Variants in KATNIP observed in about 807,000 individuals in gnomAD.
KATNIP encodes katanin interacting protein, also known as katanin-interacting protein.
In KATNIP, 126 loss-of-function variants were observed where a neutral mutation model predicts 174.0. The ratio of observed to expected loss-of-function variants is 0.72; its 90% CI spans 0.63 to 0.84. The LOEUF (loss-of-function observed/expected upper bound fraction) is 0.84. Ranked by LOEUF, KATNIP falls within the 40% of genes least tolerant of loss-of-function variation. The pLI is 0.00. For missense variants in KATNIP, 1,958 were observed against 2,109.7 expected (o/e 0.93, Z 1.41); for synonymous variants, 810 against 835.7 (o/e 0.97, Z 0.53).
intron 2 of KATNIP, among the ~76,000 whole-genome samples, chr16:27,580,032 T>C (rs2090637984): frequency 6.6e-6 from 1 of 152,108 alleles, no homozygotes; most frequent in South Asian, 2.1e-4. Flanking sequence ...TCGACAGCCC[T>C]CTCTGTCTCT....
chr16:27,591,672 C>T (rs543688288), intron 2 of KATNIP, among the ~76,000 whole-genome samples: 8 of 152,110 alleles, frequency 5.3e-5, no homozygotes, highest in Non-Finnish European at 1.2e-4. Flanking sequence ...CAGCATGGGG[C>T]CCGGCATGTA....
At chr16:27,629,877 G>A (rs140808074) in intron 4 of KATNIP, among the ~76,000 whole-genome samples, 2,115 of 152,274 alleles carry the variant, frequency 0.014, 21 homozygotes, top group Non-Finnish European at 0.02. Context: ...GCTGGGCATG[G>A]TGGTGCATGC....
intron 6 of KATNIP, among the ~76,000 whole-genome samples, chr16:27,667,982 T>A (rs906490027): frequency 6.6e-6 from 1 of 152,172 alleles, no homozygotes; most frequent in Non-Finnish European, 1.5e-5. Flanking sequence ...CCTTTGTAAG[T>A]AGAGTTAGGA....
chr16:27,655,179 T>TATGG (rs1555465965), intron 6 of KATNIP, among the ~76,000 whole-genome samples: 3 of 684 alleles, frequency 4.4e-3, no homozygotes, highest in Non-Finnish European at 9.0e-3. Context: ...CTAGAATGGA[T>TATGG]ATATATATAT....
intron 6 of KATNIP, among the ~76,000 whole-genome samples, chr16:27,655,375 A>G (rs1284401251): frequency 6.6e-6 from 1 of 150,416 alleles, no homozygotes; most frequent in Non-Finnish European, 1.5e-5. Context: ...CTGGGGTTAC[A>G]GGTACGCACC....
rs569184825 is a variant in KATNIP, at chr16:27,744,051, T to C, written c.2623+3131T>C. On this transcript the variant is annotated intron_variant, in intron 15 of 27. Coordinates refer to ENST00000261588, the MANE Select transcript of KATNIP (RefSeq NM_015202.5). ...AACCAAGCCCCTGAGATTTCATGCT[T>C]GTTAAGTCAGTCGTGCTAAAAAGGA... Among the ~76,000 whole-genome samples the C allele has an allele frequency of 1.8e-4, 28 of 152,340 alleles. 2 individuals are homozygous for C. The South Asian group carries it at 5.8e-3, about 32-fold the overall frequency.
intron 27 of KATNIP, 103 bp from the exon 28 acceptor site, chr16:27,778,471 T>C: frequency 1.6e-6 from 2 of 1,247,248 alleles, no homozygotes; most frequent in East Asian, 2.4e-5. Context: ...TCCAAGGGCC[T>C]TGAATGGCAA....
chr16:27,627,581 A>G (rs138467324), intron 3 of KATNIP, among the ~76,000 whole-genome samples: 116 of 152,326 alleles, frequency 7.6e-4, no homozygotes, highest in Admixed American at 2.2e-3. Flanking sequence ...AGTAGTTCCA[A>G]ATTCTCTAAT....
At chr16:27,744,563 G>A (rs2081216471) in intron 15 of KATNIP, among the ~76,000 whole-genome samples, 2 of 152,036 alleles carry the variant, frequency 1.3e-5, no homozygotes, top group African/African-American at 4.8e-5. Flanking sequence ...CAGCCTGGGT[G>A]ACAGAGCGAG....
intron 2 of KATNIP, among the ~76,000 whole-genome samples, chr16:27,602,932 CA>C (rs1426803324): frequency 6.6e-6 from 1 of 152,168 alleles, no homozygotes; most frequent in African/African-American, 2.4e-5. Flanking sequence ...CTCCTGGGCT[CA>C]AAGTGATCCT....
At chr16:27,767,612 G>A (rs1169829694) in intron 20 of KATNIP, among the ~76,000 whole-genome samples, 2 of 152,238 alleles carry the variant, frequency 1.3e-5, no homozygotes, top group Admixed American at 1.3e-4. Context: ...CATTCAGGAG[G>A]CTAAGGCAGG....
intron 6 of KATNIP, among the ~76,000 whole-genome samples, chr16:27,655,973 A>T (rs1003352447): frequency 1.3e-5 from 2 of 152,240 alleles, no homozygotes; most frequent in African/African-American, 4.8e-5. Context: ...TTAAACAATG[A>T]TAGAGAGAAC....
At chr16:27,583,141 C>T (rs972279156) in intron 2 of KATNIP, among the ~76,000 whole-genome samples, 1 of 152,168 alleles carries the variant, frequency 6.6e-6, no homozygotes, top group Non-Finnish European at 1.5e-5. Flanking sequence ...TGATAAAATG[C>T]CAGGAAGGAG....
intron 2 of KATNIP, among the ~76,000 whole-genome samples, chr16:27,613,323 A>G (rs2075952183): frequency 6.6e-6 from 1 of 152,204 alleles, no homozygotes; most frequent in Non-Finnish European, 1.5e-5. Context: ...GGTGATTTGT[A>G]GGCACATCAA....
chr16:27,655,956 T>C (rs934170898), intron 6 of KATNIP, among the ~76,000 whole-genome samples: 7 of 152,216 alleles, frequency 4.6e-5, no homozygotes, highest in Non-Finnish European at 8.8e-5. Flanking sequence ...TTATGCTTAA[T>C]AATGTTTTAA....
intron 20 of KATNIP, among the ~76,000 whole-genome samples, chr16:27,768,252 A>G (rs2082186519): frequency 6.6e-6 from 1 of 152,174 alleles, no homozygotes; most frequent in Non-Finnish European, 1.5e-5. Flanking sequence ...TGGGGCTTCA[A>G]ATCCCTTCAG....
intron 18 of KATNIP, among the ~76,000 whole-genome samples, chr16:27,759,508 T>C (rs1158736241): frequency 6.6e-6 from 1 of 152,214 alleles, no homozygotes; most frequent in East Asian, 1.9e-4. Flanking sequence ...GGTAATTCAG[T>C]ATCTTGGCTG....
chr16:27,632,284 G>A (rs1255697830), intron 5 of KATNIP, among the ~76,000 whole-genome samples: 3 of 152,214 alleles, frequency 2.0e-5, no homozygotes, highest in Admixed American at 6.5e-5. Flanking sequence ...CATTCCGGCA[G>A]GCTAGGAAAC....
chr16:27,712,918 A>G (rs554933404), intron 13 of KATNIP, among the ~76,000 whole-genome samples: 191 of 151,980 alleles, frequency 1.3e-3, no homozygotes, highest in Middle Eastern at 3.4e-3. Context: ...CCACCCCCCA[A>G]CCTCAGCCTC....
Sources: gnomAD v4.1 joint callset for allele counts (sites outside exome capture counted in the v4.1 genomes callset) on GRCh38, gnomAD v4.1.1 for gene constraint, MANE v1.5 for transcripts, NCBI Gene and HGNC (gene_info 2026-07-23, HGNC 2026-07-21) for gene names.